Variants in KCNK2 observed in about 807,000 individuals in gnomAD.
KCNK2 encodes the protein potassium channel subfamily K member 2.
KCNK2 carries 21 observed loss-of-function variants against 40.5 expected under a neutral mutation model. The observed-to-expected ratio is 0.52, with a 90% CI of 0.37 to 0.75. KCNK2 has a LOEUF of 0.75. Ranked by LOEUF, KCNK2 falls within the 30% of genes least tolerant of loss-of-function variation. KCNK2 has a pLI of 0.00. For synonymous variants in KCNK2, 191 were observed against 202.2 expected (o/e 0.94, Z 0.47); for missense variants, 399 against 531.6 (o/e 0.75, Z 2.45).
chr1:215,078,692 A>C (rs2102520915), upstream of KCNK2, among the ~76,000 whole-genome samples: 1 of 152,322 alleles, frequency 6.6e-6, no homozygotes, highest in East Asian at 1.9e-4. Context: ...CACAGAGCCA[A>C]ACCATATCAG....
At chr1:215,072,160 T>C (rs557135051) in intron 1 of KCNK2, among the ~76,000 whole-genome samples, 2 of 152,332 alleles carry the variant, frequency 1.3e-5, no homozygotes, top group African/African-American at 4.8e-5. Context: ...AATAGACCCA[T>C]TGCATTTTAT....
chr1:215,036,864 T>C (rs547529034), intron 1 of KCNK2, among the ~76,000 whole-genome samples: 43 of 152,030 alleles, frequency 2.8e-4, no homozygotes, highest in African/African-American at 1.0e-3. Flanking sequence ...TTTTATGTTT[T>C]GAGCTTGTAT....
intron 1 of KCNK2, among the ~76,000 whole-genome samples, chr1:215,049,712 T>A (rs1214733583): frequency 6.6e-6 from 1 of 152,170 alleles, no homozygotes; most frequent in African/African-American, 2.4e-5. Context: ...TTATTTATTT[T>A]TTTAGCCAAT....
intron 3 of KCNK2, among the ~76,000 whole-genome samples, chr1:215,140,729 A>T (rs1662136753): frequency 6.6e-6 from 1 of 152,146 alleles, no homozygotes; most frequent in African/African-American, 2.4e-5. Flanking sequence ...GTGGTGAGTG[A>T]TTGTAAAGGC....
In KCNK2 at chr1:215,083,238, TTG is replaced by T; in HGVS notation, c.-146_-145del. The T allele has an allele frequency of 1.0e-6, 1 of 988,690 alleles. No homozygotes were observed. The highest frequency in any genetic ancestry group is 1.3e-6 in the Non-Finnish European group (1 of 770,328). The allele number at this position is 988,690 out of a possible 1,614,324, so 61.2% of individuals were successfully genotyped here. The stretch of plus-strand genomic sequence containing the variant: ...CGCGTCCAGCCCCGCTCTCCCCACC[TTG>T]TAAAACAAAGCCGGGGAAAATGCCT... On this transcript the variant is annotated 5_prime_UTR_variant, in exon 1 of 7. Transcript: ENST00000444842.
chr1:215,069,858 T>G (rs1658684305), intron 1 of KCNK2, among the ~76,000 whole-genome samples: 1 of 152,206 alleles, frequency 6.6e-6, no homozygotes, highest in African/African-American at 2.4e-5. Flanking sequence ...ACTTTCAATG[T>G]ACCCGAAGTC....
At chr1:215,088,974 A>AT (rs1553261002) in intron 2 of KCNK2, among the ~76,000 whole-genome samples, 2 of 152,226 alleles carry the variant, frequency 1.3e-5, no homozygotes, top group Non-Finnish European at 2.9e-5. Flanking sequence ...TTTGATAATC[A>AT]TTTTTTCTTT....
At chr1:215,082,109 T>A (rs1274699036), upstream of KCNK2, 2 of 152,182 alleles carry the variant, frequency 1.3e-5, no homozygotes, top group African/African-American at 4.8e-5. Context: ...TTCCATTCCC[T>A]TTGCATCTCT....
At chr1:215,036,831 C>T (rs1296284674) in intron 1 of KCNK2, among the ~76,000 whole-genome samples, 5 of 151,688 alleles carry the variant, frequency 3.3e-5, no homozygotes, top group Admixed American at 1.3e-4. Flanking sequence ...ATTGTTTGTA[C>T]TAGTATATAG....
At chr1:215,209,196 A>ATATATATAAAATATACACATATTTT (rs1665450553) in intron 6 of KCNK2, among the ~76,000 whole-genome samples, 1 of 138,000 alleles carries the variant, frequency 7.2e-6, no homozygotes, top group African/African-American at 2.7e-5. Flanking sequence ...TTATAAATAT[A>ATATATATAAAATATACACATATTTT]TATATATAAA....
At chr1:215,113,788 G>T (rs994401006) in intron 2 of KCNK2, among the ~76,000 whole-genome samples, 2 of 152,066 alleles carry the variant, frequency 1.3e-5, no homozygotes, top group Admixed American at 6.6e-5. Flanking sequence ...TAAAGATGGG[G>T]TTTTCCCATG....
intron 3 of KCNK2, among the ~76,000 whole-genome samples, chr1:215,150,774 T>A (rs960973357): frequency 2.6e-5 from 4 of 152,014 alleles, no homozygotes; most frequent in African/African-American, 9.7e-5. Context: ...ATTTTCAATA[T>A]TCTCCTTTAT....
intron 2 of KCNK2, among the ~76,000 whole-genome samples, chr1:215,104,024 A>G (rs1660331122): frequency 6.6e-6 from 1 of 152,116 alleles, no homozygotes; most frequent in Non-Finnish European, 1.5e-5. Flanking sequence ...AAATACAAAG[A>G]ACCAGCAAAA....
intron 3 of KCNK2, among the ~76,000 whole-genome samples, chr1:215,144,741 G>A (rs1222003797): frequency 1.3e-5 from 2 of 151,992 alleles, no homozygotes; most frequent in Non-Finnish European, 2.9e-5. Context: ...CTCAGTTCGT[G>A]GTGGTTTATA....
chr1:215,152,620 C>T (rs1321423645), intron 3 of KCNK2, among the ~76,000 whole-genome samples: 1 of 152,098 alleles, frequency 6.6e-6, no homozygotes, highest in Non-Finnish European at 1.5e-5. Flanking sequence ...TGAGTTTCCT[C>T]AGTAACTAGC....
chr1:215,141,715 G>T (rs1662181174), intron 3 of KCNK2, among the ~76,000 whole-genome samples: 1 of 151,958 alleles, frequency 6.6e-6, no homozygotes, highest in African/African-American at 2.4e-5. Flanking sequence ...GTTCTTTATT[G>T]TCTCCTGGCA....
rs149908337 is a variant in KCNK2 at position 215,208,913 on chromosome 1, C to T, written c.963+13821C>T. Among the ~76,000 whole-genome samples, 822 of 151,892 alleles carry T rather than the reference C, an allele frequency of 5.4e-3. 19 individuals carry two copies. The South Asian group carries it at 0.063, about 12-fold the overall frequency. On this transcript the variant is annotated intron_variant, in intron 6 of 6. Transcript: ENST00000444842. ...CACCATCTTGGCTCACTACAACCTC[C>T]GCCTCCTGGGTTCAAGCAATTCTCC...
In KCNK2 at chr1:215,236,260, G is replaced by A. The variant is rs1214234815; in HGVS notation, c.*1115G>A. ...TGCCAGCTTCTAATTGCTTTTTGATGTATGAAAGGCTTATATAATTTTCTT... is the reference window on the plus strand; with the variant it reads ...TGCCAGCTTCTAATTGCTTTTTGATATATGAAAGGCTTATATAATTTTCTT... On this transcript the variant is annotated 3_prime_UTR_variant, in exon 7 of 7. Transcript: ENST00000444842. The A allele has an allele frequency of 6.6e-6, 1 of 152,216 alleles. No individual in the cohort carries two copies. The highest frequency in any genetic ancestry group is 1.9e-4 in the East Asian group (1 of 5,186). The allele number at this position is 152,216 out of a possible 1,614,324, so 9.4% of individuals were successfully genotyped here.
At chr1:215,059,755 A>C (rs2102506619) in intron 1 of KCNK2, among the ~76,000 whole-genome samples, 5 of 152,336 alleles carry the variant, frequency 3.3e-5, no homozygotes, top group Admixed American at 3.3e-4. Context: ...GGCCTAGACA[A>C]GGGGAGAAAG....
Sources: allele counts gnomAD v4.1 joint callset (sites outside exome capture counted in the v4.1 genomes callset), GRCh38; gene constraint gnomAD v4.1.1; transcripts MANE v1.5; gene names NCBI Gene and HGNC (gene_info 2026-07-23, HGNC 2026-07-21).